The following DUSP22 variants were observed in gnomAD, a reference collection of about 807,000 sequenced individuals.
DUSP22 encodes the protein dual specificity phosphatase 22, also known as dual specificity protein phosphatase 22.
Under a neutral mutation model 24.5 loss-of-function variants are expected in DUSP22, and 24 were observed. The observed-to-expected ratio is 0.98, with a 90% confidence interval of 0.71 to 1.38. The LOEUF (loss-of-function observed/expected upper bound fraction) is 1.38. Among genes scored for constraint, DUSP22 ranks in the 40% most tolerant of loss-of-function variants. The pLI, the probability that DUSP22 is intolerant of heterozygous loss-of-function variation, is 0.00. For synonymous variants in DUSP22, 160 were observed against 106.4 expected (o/e 1.50, Z -3.10); for missense variants, 330 against 269.2 (o/e 1.23, Z -1.58).
At chr6:348,418 C>A (rs952327154) in intron 6 of DUSP22, 144 bp downstream of exon 6, 1 of 1,357,824 alleles carries the variant, frequency 7.4e-7, no homozygotes, top group Non-Finnish European at 1.0e-6. Context: ...CCAGCTGCAC[C>A]CCTTCAGAAG....
At chr6:310,722 C>T (rs567547627) in intron 2 of DUSP22, among the ~76,000 whole-genome samples, 1 of 152,410 alleles carries the variant, frequency 6.6e-6, no homozygotes, top group Admixed American at 6.5e-5. Context: ...CATTAAGAGG[C>T]CATTGAATTA....
chr6:298,311 A>C, intron 1 of DUSP22, among the ~76,000 whole-genome samples: 1 of 152,424 alleles, frequency 6.6e-6, no homozygotes, highest in Middle Eastern at 3.4e-3. Context: ...GGAATCCACC[A>C]AAGTTTTCCC....
At chr6:296,539 G>A (rs552767308) in intron 1 of DUSP22, among the ~76,000 whole-genome samples, 7 of 152,404 alleles carry the variant, frequency 4.6e-5, no homozygotes, top group East Asian at 3.9e-4. Flanking sequence ...TGCAAATGTC[G>A]TGTTCCTGTG....
At chr6:301,839 G>A (rs1000643515) in intron 1 of DUSP22, among the ~76,000 whole-genome samples, 1 of 152,300 alleles carries the variant, frequency 6.6e-6, no homozygotes, top group Non-Finnish European at 1.5e-5. Context: ...GGCTCCAGAC[G>A]ATGAATTTAG....
intron 1 of DUSP22, among the ~76,000 whole-genome samples, chr6:302,085 C>A (rs1024512144): frequency 6.6e-6 from 1 of 152,298 alleles, no homozygotes; most frequent in Admixed American, 6.5e-5. Flanking sequence ...TGTCAGATGG[C>A]GGAGGCAAGC....
At chr6:301,962 G>C (rs1166165281) in intron 1 of DUSP22, among the ~76,000 whole-genome samples, 1 of 152,302 alleles carries the variant, frequency 6.6e-6, no homozygotes, top group Non-Finnish European at 1.5e-5. Flanking sequence ...TAGTAGAGAA[G>C]ATAGTAGATG....
At chr6:318,044 A>C (rs1758414655) in intron 3 of DUSP22, among the ~76,000 whole-genome samples, 1 of 152,308 alleles carries the variant, frequency 6.6e-6, no homozygotes, top group Non-Finnish European at 1.5e-5. Flanking sequence ...CAGTCTGTGT[A>C]GTTCCTCACT....
intron 3 of DUSP22, among the ~76,000 whole-genome samples, chr6:327,586 A>G (rs1160108052): frequency 6.6e-6 from 1 of 152,304 alleles, no homozygotes; most frequent in Non-Finnish European, 1.5e-5. Context: ...AGTGAGAGAG[A>G]CTGGCCCTTC....
At chr6:331,217 A>G (rs1424768119) in intron 3 of DUSP22, among the ~76,000 whole-genome samples, 2 of 152,306 alleles carry the variant, frequency 1.3e-5, no homozygotes, top group Non-Finnish European at 2.9e-5. Flanking sequence ...CCACCAATCC[A>G]CTGTTTTGGA....
Position 305,180 on chromosome 6 carries a change from C to T in DUSP22, c.55+519C>T, listed in dbSNP as rs140816287. 4.6e-5 allele frequency among the ~76,000 whole-genome samples: 7 copies of T among 152,422 alleles called. No individual in the cohort carries two copies. In the East Asian group the frequency reaches 1.2e-3, roughly 25 times the overall value. ...ACTTCTCATGGGTGAGATTGACAGG[C>T]AAAGTGTAGACTCAGTCTACAGTCT... On this transcript the variant is annotated intron_variant, in intron 2 of 6. Coordinates refer to ENST00000419235, the MANE Select transcript of DUSP22 (RefSeq NM_001286555.3).
At chr6:317,371 T>G (rs1297611133) in intron 3 of DUSP22, among the ~76,000 whole-genome samples, 4 of 152,296 alleles carry the variant, frequency 2.6e-5, no homozygotes, top group African/African-American at 7.2e-5. Flanking sequence ...GCTTCCCAAA[T>G]GTAAAGCAAG....
chr6:296,225 G>A (rs112041352), intron 1 of DUSP22, among the ~76,000 whole-genome samples: 11,520 of 149,360 alleles, frequency 0.077, 16 homozygotes, highest in African/African-American at 0.13. Context: ...GCAATTCCTA[G>A]GTAGATGCCC....
chr6:304,156 C>G (rs1047920531), intron 1 of DUSP22, among the ~76,000 whole-genome samples: 6 of 152,430 alleles, frequency 3.9e-5, no homozygotes, highest in African/African-American at 9.6e-5. Flanking sequence ...CATCGCCACA[C>G]AGGGGACATA....
chr6:322,837 G>T lies in DUSP22; in HGVS notation c.138+10875G>T, dbSNP rs1046279802. The stretch of plus-strand genomic sequence containing the variant: ...TGGGTTATGGCTGCTTGGTGGGGCG[G>T]GGGGGGGCCTTCGAGTCTGCAATAG... On this transcript the variant is annotated intron_variant, in intron 3 of 6. Coordinates refer to ENST00000419235, the MANE Select transcript of DUSP22 (RefSeq NM_001286555.3). Among the ~76,000 whole-genome samples the T allele has an allele frequency of 2.7e-4, 41 of 150,100 alleles. 1 individual carries two copies. Among genetic ancestry groups the T allele is most frequent in the South Asian group, 8.4e-4 (4 of 4,766 alleles).
Position 349,170 on chromosome 6 carries a change from GA to G in DUSP22, c.*220del. On this transcript the variant is annotated 3_prime_UTR_variant, in exon 7 of 7. Transcript: ENST00000419235. ...TGCACCTGAGCTTGCTGCCCCTGGG[GA>G]TGTTGCCCAGTGGCTGTGCACTGCT... 1 of 1,428,518 alleles carries G rather than the reference GA, an allele frequency of 7.0e-7. No individual in the cohort carries two copies. Among genetic ancestry groups the G allele is most frequent in the Non-Finnish European group, 9.1e-7 (1 of 1,096,280 alleles). The allele number at this position is 1,428,518 out of a possible 1,614,324, so 88.5% of individuals were successfully genotyped here. A position where few individuals can be genotyped will look rare whatever the true frequency, so the allele number is the denominator to read the frequency against.
rs1371124024 is a variant in DUSP22 at position 351,135 on chromosome 6, C to T, written c.*2184C>T. ...GGATCCCGGGAGCCTTGCCGCACTG[C>T]CTTGTGGGTGGCTTGGCGCTCGTGA... On this transcript the variant is annotated 3_prime_UTR_variant, in exon 7 of 7. Coordinates refer to ENST00000419235, the MANE Select transcript of DUSP22 (RefSeq NM_001286555.3). 5 of 543,208 alleles carry T rather than the reference C, an allele frequency of 9.2e-6. No homozygotes were observed. The highest frequency in any genetic ancestry group is 1.6e-5 in the Non-Finnish European group (5 of 314,970). 33.6% of individuals were successfully genotyped at this position (543,208 alleles called of 1,614,324 possible).
intron 1 of DUSP22, among the ~76,000 whole-genome samples, chr6:293,797 CTTTTTTTT>C (rs11436850): frequency 2.4e-5 from 3 of 123,686 alleles, no homozygotes; most frequent in Non-Finnish European, 5.0e-5. Context: ...ATTGTATTCA[CTTTTTTTT>C]TTTTTTTTTT....
rs536579725 is a variant in DUSP22, at chr6:330,738, C to T, written c.139-4376C>T. Among the ~76,000 whole-genome samples, 7 of 152,422 alleles carry T rather than the reference C, an allele frequency of 4.6e-5. No individual in the cohort carries two copies. In the East Asian group the frequency reaches 5.8e-4, roughly 13 times the overall value. ...AAGAGCCGCTGGAAAACCTTCTGAA[C>T]TTTCTTCTCCTCCAAGTGACGTCTG... On this transcript the variant is annotated intron_variant, in intron 3 of 6. Transcript: ENST00000419235.
intron 2 of DUSP22, among the ~76,000 whole-genome samples, chr6:307,798 G>A (rs542019369): frequency 1.1e-3 from 169 of 152,366 alleles, no homozygotes; most frequent in African/African-American, 4.0e-3. Flanking sequence ...CATGTTCGCA[G>A]TCTTGAGCTT....
Sources: allele counts gnomAD v4.1 joint callset (sites outside exome capture counted in the v4.1 genomes callset), GRCh38; gene constraint gnomAD v4.1.1; transcripts MANE v1.5; gene names NCBI Gene and HGNC (gene_info 2026-07-23, HGNC 2026-07-21).